Variants in MACROD2 observed in about 807,000 individuals in gnomAD.
The protein encoded by MACROD2 is ADP-ribose glycohydrolase MACROD2.
In MACROD2, 36 loss-of-function variants were observed where a neutral mutation model predicts 70.4. The observed-to-expected ratio is 0.51, with a 90% confidence interval of 0.39 to 0.68. MACROD2 has a LOEUF of 0.68. MACROD2 is among the 30% of genes least tolerant of loss of function. The probability of loss-of-function intolerance (pLI) is 0.00; values close to 1 mark genes in which losing one functional copy is unlikely to be tolerated. For missense variants in MACROD2, 496 were observed against 538.4 expected, an observed-to-expected ratio of 0.92 and a Z score of 0.78; for synonymous variants, 172 against 178.8, an observed-to-expected ratio of 0.96 and a Z score of 0.30.
intron 5 of MACROD2, among the ~76,000 whole-genome samples, chr20:15,145,727 T>C (rs575357608): frequency 1.3e-5 from 2 of 152,220 alleles, no homozygotes; most frequent in Admixed American, 1.3e-4. Flanking sequence ...AGGTTCTCTT[T>C]AACTGATAAG....
intron 10 of MACROD2, among the ~76,000 whole-genome samples, chr20:15,903,364 A>G (rs903705126): frequency 1.2e-4 from 18 of 152,150 alleles, no homozygotes; most frequent in Non-Finnish European, 5.9e-5. Flanking sequence ...TAAAGCCCCA[A>G]TGATCGAGGC....
intron 13 of MACROD2, among the ~76,000 whole-genome samples, chr20:15,972,758 C>T (rs1000549317): frequency 9.9e-5 from 15 of 151,760 alleles, no homozygotes; most frequent in Non-Finnish European, 2.2e-4. Context: ...TGCAATGAGC[C>T]TCCTGAGCTG....
At chr20:14,094,450 A>T (rs2054195451) in intron 3 of MACROD2, among the ~76,000 whole-genome samples, 1 of 152,148 alleles carries the variant, frequency 6.6e-6, no homozygotes, top group Admixed American at 6.5e-5. Context: ...TTTCATTAAA[A>T]CTGTTCTCAC....
At chr20:15,982,409 C>G (rs1028284840) in intron 13 of MACROD2, among the ~76,000 whole-genome samples, 1 of 152,136 alleles carries the variant, frequency 6.6e-6, no homozygotes, top group African/African-American at 2.4e-5. Flanking sequence ...CTGTACAAGT[C>G]TAAATTTTAA....
intron 15 of MACROD2, among the ~76,000 whole-genome samples, chr20:16,035,504 G>A (rs1251085474): frequency 6.6e-6 from 1 of 151,774 alleles, no homozygotes; most frequent in African/African-American, 2.4e-5. Flanking sequence ...ATGATTTTAG[G>A]TGATGTAAAG....
At chr20:14,744,261 A>G (rs1228933057) in intron 5 of MACROD2, among the ~76,000 whole-genome samples, 1 of 152,226 alleles carries the variant, frequency 6.6e-6, no homozygotes, top group Non-Finnish European at 1.5e-5. Context: ...TTCTTTGAAT[A>G]GAAATTTTGC....
At chr20:14,176,428 T>G (rs1350617362) in intron 3 of MACROD2, among the ~76,000 whole-genome samples, 1 of 152,202 alleles carries the variant, frequency 6.6e-6, no homozygotes, top group Non-Finnish European at 1.5e-5. Context: ...TAAAGTGAAA[T>G]GTGCTCTCTG....
chr20:14,005,032 T>G (rs1382959880), intron 2 of MACROD2, among the ~76,000 whole-genome samples: 2 of 152,220 alleles, frequency 1.3e-5, no homozygotes, highest in Non-Finnish European at 2.9e-5. Flanking sequence ...ACCAAATGCT[T>G]CTTGTTATTA....
At chr20:14,259,758 T>G (rs530921712) in intron 3 of MACROD2, among the ~76,000 whole-genome samples, 50 of 152,330 alleles carry the variant, frequency 3.3e-4, no homozygotes, top group Admixed American at 5.2e-4. Flanking sequence ...TGGAGTATAC[T>G]ATGGAATCAC....
At chr20:15,006,929 G>A (rs1036931119) in intron 5 of MACROD2, among the ~76,000 whole-genome samples, 2 of 152,082 alleles carry the variant, frequency 1.3e-5, no homozygotes, top group Non-Finnish European at 2.9e-5. Context: ...TCAACATAAG[G>A]TGAACAAAAA....
chr20:14,706,058 G>A (rs1428976014), intron 5 of MACROD2, among the ~76,000 whole-genome samples: 1 of 152,120 alleles, frequency 6.6e-6, no homozygotes, highest in Non-Finnish European at 1.5e-5. Context: ...GCACATGCCT[G>A]TAATCCCAGC....
rs898034168 is a variant in MACROD2 at position 14,763,522 on chromosome 20, G to A, written c.418+78563G>A. Among the ~76,000 whole-genome samples, 4 of 152,110 alleles carry A rather than the reference G, an allele frequency of 2.6e-5. No individual in the cohort carries two copies. The South Asian group carries it at 8.3e-4, about 32-fold the overall frequency. On this transcript the variant is annotated intron_variant, in intron 5 of 17. Transcript: ENST00000684519. ...AGGGACCGTGATCTAGGTGAAAAGTGATGGAAATCTGTATCAAGGAGGTGG... is the reference window on the plus strand; with the variant it reads ...AGGGACCGTGATCTAGGTGAAAAGTAATGGAAATCTGTATCAAGGAGGTGG...
At chr20:14,106,367 C>T (rs1193452335) in intron 3 of MACROD2, among the ~76,000 whole-genome samples, 1 of 152,140 alleles carries the variant, frequency 6.6e-6, no homozygotes, top group East Asian at 1.9e-4. Flanking sequence ...GTTTGAGTGC[C>T]AGCTTAACCG....
intron 8 of MACROD2, among the ~76,000 whole-genome samples, chr20:15,602,977 T>C (rs759204104): frequency 6.6e-6 from 1 of 152,108 alleles, no homozygotes. Flanking sequence ...TGCTTGTGTT[T>C]CTGTCTAAAA....
chr20:15,588,450 C>A (rs987597578), intron 8 of MACROD2, among the ~76,000 whole-genome samples: 1 of 152,184 alleles, frequency 6.6e-6, no homozygotes, highest in South Asian at 2.1e-4. Flanking sequence ...ATGCAAATTT[C>A]TGCAATTGGC....
chr20:14,820,483 G>A (rs1282852821), intron 5 of MACROD2, among the ~76,000 whole-genome samples: 1 of 151,438 alleles, frequency 6.6e-6, no homozygotes, highest in Non-Finnish European at 1.5e-5. Context: ...ACAAGGTCAG[G>A]AAAGTTGGGC....
At chr20:14,022,518 A>G (rs2053100528) in intron 2 of MACROD2, among the ~76,000 whole-genome samples, 1 of 150,408 alleles carries the variant, frequency 6.6e-6, no homozygotes, top group Middle Eastern at 3.2e-3. Flanking sequence ...AGAGGTATAC[A>G]TGTGCCATGG....
At chr20:15,877,987 C>T (rs1415075133) in intron 9 of MACROD2, among the ~76,000 whole-genome samples, 1 of 151,998 alleles carries the variant, frequency 6.6e-6, no homozygotes, top group Non-Finnish European at 1.5e-5. Context: ...GGAGAGGATG[C>T]CGTAATAGCT....
chr20:14,341,551 A>T (rs910918429), intron 3 of MACROD2, among the ~76,000 whole-genome samples: 2 of 152,318 alleles, frequency 1.3e-5, no homozygotes, highest in African/African-American at 4.8e-5. Context: ...AGGCAAGAGA[A>T]CCACTTGAAC....
Sources: gnomAD v4.1 joint callset for allele counts (sites outside exome capture counted in the v4.1 genomes callset) on GRCh38, gnomAD v4.1.1 for gene constraint, MANE v1.5 for transcripts, NCBI Gene and HGNC (gene_info 2026-07-23, HGNC 2026-07-21) for gene names.